The following RPS6KA2 variants were observed in gnomAD, a reference collection of about 807,000 sequenced individuals.
RPS6KA2 encodes ribosomal protein S6 kinase alpha-2.
RPS6KA2 carries 42 observed loss-of-function variants against 91.8 expected under a neutral mutation model. That is an observed-to-expected ratio of 0.46 (90% CI 0.36 to 0.59). The LOEUF (loss-of-function observed/expected upper bound fraction) is 0.59, where lower values mean the gene tolerates loss of function less well. RPS6KA2 is among the 20% of genes least tolerant of loss of function. RPS6KA2 has a pLI of 0.00. For synonymous variants in RPS6KA2, 414 were observed against 393.6 expected, an observed-to-expected ratio of 1.05 and a Z score of -0.61; for missense variants, 798 against 978.5, an observed-to-expected ratio of 0.82 and a Z score of 2.46.
At chr6:166,690,318 C>T (rs1789166307) in intron 2 of RPS6KA2, among the ~76,000 whole-genome samples, 2 of 152,164 alleles carry the variant, frequency 1.3e-5, no homozygotes, top group South Asian at 4.1e-4. Flanking sequence ...CTGTTCATTC[C>T]ACACCATCAG....
chr6:166,502,252 T>TA (rs1782053574), intron 6 of RPS6KA2, among the ~76,000 whole-genome samples: 1 of 152,128 alleles, frequency 6.6e-6, no homozygotes, highest in African/African-American at 2.4e-5. Flanking sequence ...GCCACAGAGT[T>TA]AAAAAAATAA....
intron 19 of RPS6KA2, among the ~76,000 whole-genome samples, chr6:166,417,563 C>T (rs1778576514): frequency 6.6e-6 from 1 of 152,104 alleles, no homozygotes; most frequent in Non-Finnish European, 1.5e-5. Flanking sequence ...CAGTCACAGA[C>T]TTCCCCGTCC....
intron 2 of RPS6KA2, among the ~76,000 whole-genome samples, chr6:166,768,826 C>T (rs979253490): frequency 1.9e-4 from 29 of 152,186 alleles, no homozygotes; most frequent in African/African-American, 6.8e-4. Context: ...AATCTGGAAA[C>T]ACTGCCAGGA....
At chr6:166,542,129 G>A (rs1000759256) in intron 1 of RPS6KA2, among the ~76,000 whole-genome samples, 11 of 152,284 alleles carry the variant, frequency 7.2e-5, no homozygotes, top group South Asian at 4.1e-4. Flanking sequence ...GACTCGGCGC[G>A]CACTCTGGGG....
Position 166,413,899 on chromosome 6 carries a change from A to C in RPS6KA2, c.1971T>G (p.Pro657=), listed in dbSNP as rs1778407194. The part of the protein sequence containing the change: ...DVVSKMLHVD[P]HQRLTAMQVL... ...CTTGCATCGCCGTCAGGCGCTGATG[A>C]GGGTCCACGTGGAGCATCTTGGACA... Residue 657 remains proline (P), a synonymous_variant, in exon 20 of 21, where the codon CCT becomes CCG. Transcript: ENST00000265678. 6.2e-7 allele frequency: 1 copy of C among 1,614,088 alleles called. No individual in the cohort carries two copies. The highest frequency in any genetic ancestry group is 1.3e-5 in the African/African-American group (1 of 75,046).
chr6:166,504,651 T>G, intron 5 of RPS6KA2, 39 bp from the exon 6 acceptor site: 14 of 1,368,494 alleles, frequency 1.0e-5, no homozygotes, highest in Non-Finnish European at 1.3e-5. Flanking sequence ...AAAAAACGTT[T>G]AACTTGTTTT....
Position 166,435,982 on chromosome 6 carries a change from C to A in RPS6KA2, c.1333-3492G>T, listed in dbSNP as rs893915229. Among the ~76,000 whole-genome samples the A allele has an allele frequency of 5.3e-5, 8 of 152,230 alleles. No individual in the cohort carries two copies. Among genetic ancestry groups the A allele is most frequent in the Admixed American group, 2.6e-4 (4 of 15,292 alleles). The stretch of plus-strand genomic sequence containing the variant: ...TGCAGGAGCTCCCTGGGCCTCTCTA[C>A]ACCTAGCTTTCTTCATCTGTAAAAC... On this transcript the variant is annotated intron_variant, in intron 14 of 20. Transcript: ENST00000265678. The surrounding 1 kb of genome is among the most constrained non-coding windows in gnomAD (Gnocchi z 4.3).
chr6:166,537,181 T>C (rs1439415801), intron 2 of RPS6KA2, among the ~76,000 whole-genome samples: 1 of 152,286 alleles, frequency 6.6e-6, no homozygotes, highest in Non-Finnish European at 1.5e-5. Context: ...CGGCTGATTC[T>C]GTGCTTCCAC....
chr6:166,685,395 T>A (rs1223901612), intron 2 of RPS6KA2, among the ~76,000 whole-genome samples: 1 of 151,660 alleles, frequency 6.6e-6, no homozygotes, highest in Admixed American at 6.6e-5. Flanking sequence ...AGAAGGGCAA[T>A]GGTTAAAATG....
At chr6:166,659,799 G>A (rs1336752798) in intron 2 of RPS6KA2, among the ~76,000 whole-genome samples, 1 of 152,266 alleles carries the variant, frequency 6.6e-6, no homozygotes, top group Non-Finnish European at 1.5e-5. Context: ...ACTGCGGGAT[G>A]GGGGACCAGC....
At chr6:166,570,918 A>T (rs1204761493) in intron 1 of RPS6KA2, among the ~76,000 whole-genome samples, 1 of 152,242 alleles carries the variant, frequency 6.6e-6, no homozygotes, top group East Asian at 1.9e-4. Context: ...CCCAGTTTAA[A>T]TCCAAATTTT....
chr6:166,747,762 C>T (rs537074614), intron 2 of RPS6KA2, among the ~76,000 whole-genome samples: 22 of 152,328 alleles, frequency 1.4e-4, no homozygotes, highest in African/African-American at 5.3e-4. Flanking sequence ...GAACTCAGGT[C>T]CAAGCTGCCT....
chr6:166,446,346 C>T lies in RPS6KA2; in HGVS notation c.1332+2378G>A, dbSNP rs557985223. Among the ~76,000 whole-genome samples, 8 of 152,214 alleles carry T rather than the reference C, an allele frequency of 5.3e-5. No homozygotes were observed. The East Asian group carries it at 5.8e-4, about 11-fold the overall frequency. On this transcript the variant is annotated intron_variant, in intron 14 of 20. Transcript: ENST00000265678. ...TCATGGGGCTGCACCTTCCCGTGCT[C>T]GGTTAATTTATGCATCTTCCAGACT...
chr6:166,678,498 T>G (rs1434503155), intron 2 of RPS6KA2, among the ~76,000 whole-genome samples: 1 of 152,222 alleles, frequency 6.6e-6, no homozygotes, highest in Non-Finnish European at 1.5e-5. Context: ...AAACTCAGTT[T>G]CCTGCCTTCA....
chr6:166,546,135 A>G (rs1237064708), intron 1 of RPS6KA2, among the ~76,000 whole-genome samples: 1 of 152,160 alleles, frequency 6.6e-6, no homozygotes, highest in Non-Finnish European at 1.5e-5. Flanking sequence ...TTTGCTTTAT[A>G]AAGACTCATT....
intron 1 of RPS6KA2, among the ~76,000 whole-genome samples, chr6:166,556,482 T>A (rs968802126): frequency 6.6e-6 from 1 of 152,190 alleles, no homozygotes; most frequent in African/African-American, 2.4e-5. Context: ...CACTAACCCT[T>A]CATCACAGAA....
Position 166,648,250 on chromosome 6 carries a change from GCACA to G in RPS6KA2, c.124-109470_124-109467del, listed in dbSNP as rs1320507961. Among the ~76,000 whole-genome samples the G allele has an allele frequency of 8.4e-6, 1 of 118,738 alleles. No homozygotes were observed. The highest frequency in any genetic ancestry group is 1.8e-5 in the Non-Finnish European group (1 of 54,660). 77.9% of individuals were successfully genotyped at this position (118,738 alleles called of 152,430 possible). A position where few individuals can be genotyped will look rare whatever the true frequency, so the allele number is the denominator to read the frequency against. ...TGCGCACACACACACATTCACACAGGCACACACACTCATGTTCATACACACGCAT... is the reference window on the plus strand; with the variant it reads ...TGCGCACACACACACATTCACACAGGCACACTCATGTTCATACACACGCAT... On this transcript the variant is annotated intron_variant, in intron 2 of 21. Coordinates refer to the RPS6KA2 transcript ENST00000503859. The surrounding 1 kb of genome is among the most constrained non-coding windows in gnomAD (Gnocchi z 4.8).
intron 2 of RPS6KA2, among the ~76,000 whole-genome samples, chr6:166,830,568 A>G (rs1164499875): frequency 6.6e-6 from 1 of 152,240 alleles, no homozygotes; most frequent in African/African-American, 2.4e-5. Flanking sequence ...AGTATAAAAC[A>G]TCTCTCCCAA....
chr6:166,832,040 A>AGATAGAT (rs772714768), intron 2 of RPS6KA2, among the ~76,000 whole-genome samples: 5 of 107,200 alleles, frequency 4.7e-5, no homozygotes, highest in Admixed American at 9.3e-5. Context: ...GATACATGAT[A>AGATAGAT]GATAGATAGA....
Sources: allele counts gnomAD v4.1 joint callset (sites outside exome capture counted in the v4.1 genomes callset), GRCh38; gene constraint gnomAD v4.1.1; non-coding constraint Gnocchi (gnomAD v3.1); transcripts MANE v1.5; gene names NCBI Gene and HGNC (gene_info 2026-07-23, HGNC 2026-07-21).